ERICH3: variants seen among roughly 807,000 people sequenced by gnomAD.
The protein encoded by ERICH3 is glutamate rich 3.
ERICH3 carries 126 observed loss-of-function variants against 131.1 expected under a neutral mutation model. That is an observed-to-expected ratio of 0.96 (90% CI 0.83 to 1.11). The LOEUF (loss-of-function observed/expected upper bound fraction) is 1.11. Ranked by LOEUF, ERICH3 falls within the 50% of genes most tolerant of loss-of-function variation. The pLI, the probability that ERICH3 is intolerant of heterozygous loss-of-function variation, is 0.00. For missense variants in ERICH3, 2,050 were observed against 1,810.7 expected, an observed-to-expected ratio of 1.13 and a Z score of -2.40; for synonymous variants, 695 against 644.6, an observed-to-expected ratio of 1.08 and a Z score of -1.18.
intron 10 of ERICH3, among the ~76,000 whole-genome samples, chr1:74,605,888 C>T (rs1007577673): frequency 1.3e-5 from 2 of 151,802 alleles, no homozygotes; most frequent in African/African-American, 4.8e-5. Context: ...AGGGTTGCCA[C>T]AAACTTTTAA....
intron 1 of ERICH3, among the ~76,000 whole-genome samples, chr1:74,661,073 C>T (rs746440283): frequency 5.9e-5 from 9 of 152,108 alleles, no homozygotes; most frequent in Non-Finnish European, 1.0e-4. Context: ...AATAAACTTA[C>T]TATGTGTGTT....
chr1:74,673,602 C>G lies in ERICH3; in HGVS notation c.-83G>C. The stretch of plus-strand genomic sequence containing the variant: ...CCGTGCGCGCTGGCGCTGCGACAGT[C>G]GCGCTCGAGGGGTGGCTCCGCACCG... On this transcript the variant is annotated 5_prime_UTR_variant, in exon 1 of 15. Coordinates refer to ENST00000326665, the MANE Select transcript of ERICH3 (RefSeq NM_001002912.5). The G allele has an allele frequency of 1.3e-6, 2 of 1,510,650 alleles. No homozygotes were observed. Among genetic ancestry groups the G allele is most frequent in the Non-Finnish European group, 1.8e-6 (2 of 1,102,818 alleles). 93.6% of individuals were successfully genotyped at this position (1,510,650 alleles called of 1,614,324 possible).
chr1:74,571,036 A>C, intron 14 of ERICH3, 63 bp downstream of exon 14: 1 of 1,532,084 alleles, frequency 6.5e-7, no homozygotes, highest in Non-Finnish European at 8.7e-7. Flanking sequence ...GCCAGCCCCA[A>C]GGGGAGGAGA....
chr1:74,657,881 C>T (rs1285760374), intron 1 of ERICH3, among the ~76,000 whole-genome samples: 2 of 152,006 alleles, frequency 1.3e-5, no homozygotes, highest in Non-Finnish European at 2.9e-5. Flanking sequence ...AGCAGCTTGA[C>T]AAATATGCAT....
chr1:74,638,663 T>G (rs1646412224), intron 5 of ERICH3, among the ~76,000 whole-genome samples: 1 of 152,196 alleles, frequency 6.6e-6, no homozygotes, highest in African/African-American at 2.4e-5. Context: ...CCAGCATCCC[T>G]TGTAATTCTG....
At chr1:74,622,203 T>C (rs2100612404) in intron 7 of ERICH3, 1 of 152,340 alleles carries the variant, frequency 6.6e-6, no homozygotes, top group Admixed American at 6.5e-5. Flanking sequence ...AGAAATCTGA[T>C]GGAATGAAAT....
intron 11 of ERICH3, among the ~76,000 whole-genome samples, chr1:74,596,632 A>T (rs1647865125): frequency 6.6e-6 from 1 of 152,086 alleles, no homozygotes; most frequent in Non-Finnish European, 1.5e-5. Context: ...GGACACTATC[A>T]TCCAAACTGT....
At chr1:74,586,102 A>C (rs1055843097) in intron 12 of ERICH3, among the ~76,000 whole-genome samples, 1 of 152,108 alleles carries the variant, frequency 6.6e-6, no homozygotes, top group Admixed American at 6.5e-5. Context: ...AAGATGAACA[A>C]TAGAACAAAA....
At chr1:74,579,795 G>C (rs1647143832) in intron 12 of ERICH3, 2 of 985,026 alleles carry the variant, frequency 2.0e-6, no homozygotes, top group African/African-American at 1.8e-5. Flanking sequence ...ATCCCCTAAG[G>C]CTCCTGTCTT....
rs187081788 is a variant in ERICH3 at position 74,598,265 on chromosome 1, G to A, written c.1726+1430C>T. Among the ~76,000 whole-genome samples, 337 of 151,722 alleles carry A rather than the reference G, an allele frequency of 2.2e-3. 1 individual carries two copies. Among genetic ancestry groups the A allele is most frequent in the Non-Finnish European group, 3.8e-3 (256 of 67,880 alleles). Reference sequence around the variant, plus strand: ...GTACTATTTATTACATGGATTTTATGGTCTCGCATTGAAAAGAATCTTTAC... The same window carrying A: ...GTACTATTTATTACATGGATTTTATAGTCTCGCATTGAAAAGAATCTTTAC... On this transcript the variant is annotated intron_variant, in intron 11 of 14. Coordinates refer to ENST00000326665, the MANE Select transcript of ERICH3 (RefSeq NM_001002912.5).
intron 4 of ERICH3, among the ~76,000 whole-genome samples, chr1:74,642,172 T>C (rs1646443288): frequency 1.3e-5 from 2 of 152,194 alleles, no homozygotes; most frequent in African/African-American, 2.4e-5. Flanking sequence ...CTCTTTGATC[T>C]TGGACCCATC....
At chr1:74,587,358 A>G (rs1023104823) in intron 12 of ERICH3, among the ~76,000 whole-genome samples, 4 of 151,680 alleles carry the variant, frequency 2.6e-5, no homozygotes, top group African/African-American at 9.7e-5. Flanking sequence ...ATTAAAATCA[A>G]AGATAAACAG....
chr1:74,633,066 A>C (rs1356451195), intron 6 of ERICH3, among the ~76,000 whole-genome samples: 1 of 151,764 alleles, frequency 6.6e-6, no homozygotes, highest in East Asian at 1.9e-4. Context: ...TTTATATTGT[A>C]CTTATGTTTA....
intron 1 of ERICH3, among the ~76,000 whole-genome samples, chr1:74,661,385 T>A (rs552019869): frequency 6.6e-6 from 1 of 152,232 alleles, no homozygotes; most frequent in African/African-American, 2.4e-5. Context: ...GCTTCCATTT[T>A]TATTCAAATT....
At chr1:74,636,088 T>C (rs1646386580) in intron 6 of ERICH3, among the ~76,000 whole-genome samples, 192 bp downstream of exon 6, 1 of 152,144 alleles carries the variant, frequency 6.6e-6, no homozygotes, top group Non-Finnish European at 1.5e-5. Flanking sequence ...TTTTGCTCAG[T>C]GACACAAATT....
intron 12 of ERICH3, 24 bp from the exon 13 acceptor site, chr1:74,576,960 A>G: frequency 1.3e-6 from 2 of 1,581,714 alleles, no homozygotes; most frequent in Non-Finnish European, 1.7e-6. Flanking sequence ...AAAAAAAGAA[A>G]AAAAAGGTCA....
At position 74,642,029 on chromosome 1, in the gene ERICH3, G is replaced by A. The variant is rs570026613; in HGVS notation, c.316-570C>T. Among the ~76,000 whole-genome samples, 17 of 152,202 alleles carry A rather than the reference G, an allele frequency of 1.1e-4. No individual in the cohort carries two copies. In the East Asian group the frequency reaches 3.1e-3, roughly 28 times the overall value. On this transcript the variant is annotated intron_variant, in intron 4 of 14. Coordinates refer to ENST00000326665, the MANE Select transcript of ERICH3 (RefSeq NM_001002912.5). ...ACTTTTCCTGCTTCATGCAGTGTGAGTGACTCTTTTTTTCCAGTAACCACA... is the reference window on the plus strand; with the variant it reads ...ACTTTTCCTGCTTCATGCAGTGTGAATGACTCTTTTTTTCCAGTAACCACA...
chr1:74,658,975 T>C (rs1265547836), intron 1 of ERICH3, among the ~76,000 whole-genome samples: 1 of 152,212 alleles, frequency 6.6e-6, no homozygotes, highest in Non-Finnish European at 1.5e-5. Context: ...TATTGTGTTA[T>C]TAGCAGTGCT....
intron 8 of ERICH3, among the ~76,000 whole-genome samples, chr1:74,619,484 G>T (rs1189679438): frequency 6.6e-6 from 1 of 151,972 alleles, no homozygotes; most frequent in Non-Finnish European, 1.5e-5. Context: ...ATCATTAGGG[G>T]TTTCATCCCA....
Sources: gnomAD v4.1 joint callset for allele counts (sites outside exome capture counted in the v4.1 genomes callset) on GRCh38, gnomAD v4.1.1 for gene constraint, MANE v1.5 for transcripts, NCBI Gene and HGNC (gene_info 2026-07-23, HGNC 2026-07-21) for gene names.